The following JPH3 variants were observed in gnomAD, a reference collection of about 807,000 sequenced individuals.
JPH3 encodes junctophilin-3.
Under a neutral mutation model 59.6 loss-of-function variants are expected in JPH3, and 11 were observed. The ratio of observed to expected loss-of-function variants is 0.18; its 90% CI spans 0.12 to 0.31. The LOEUF (loss-of-function observed/expected upper bound fraction) is 0.31, where lower values mean the gene tolerates loss of function less well. Ranked by LOEUF, JPH3 falls within the 10% of genes least tolerant of loss-of-function variation. JPH3 has a pLI of 1.00. For synonymous variants in JPH3, 673 were observed against 483.6 expected, an observed-to-expected ratio of 1.39 and a Z score of -5.14; for missense variants, 1,202 against 1,105.7, an observed-to-expected ratio of 1.09 and a Z score of -1.24.
intron 2 of JPH3, among the ~76,000 whole-genome samples, chr16:87,646,916 T>G (rs1033572389): frequency 6.6e-6 from 1 of 152,104 alleles, no homozygotes; most frequent in Non-Finnish European, 1.5e-5. Flanking sequence ...CGACCTGAGA[T>G]AGTTTTCAGA....
At chr16:87,646,410 C>T (rs2032152638) in intron 2 of JPH3, among the ~76,000 whole-genome samples, 1 of 152,212 alleles carries the variant, frequency 6.6e-6, no homozygotes, top group Non-Finnish European at 1.5e-5. Flanking sequence ...TTTGCCCCTC[C>T]CTGCTCCCTC....
chr16:87,634,497 C>T (rs73236246), intron 1 of JPH3, among the ~76,000 whole-genome samples: 11,722 of 152,290 alleles, frequency 0.077, 1,337 homozygotes, highest in African/African-American at 0.25. Flanking sequence ...TTCTTCCTTT[C>T]TCTGCGGGTT....
intron 1 of JPH3, among the ~76,000 whole-genome samples, chr16:87,634,842 G>C (rs553501374): frequency 2.8e-4 from 42 of 152,352 alleles, no homozygotes; most frequent in African/African-American, 8.4e-4. Flanking sequence ...GAGACGCTCT[G>C]TGTGGGCTTC....
At chr16:87,672,136 G>A (rs983873219) in intron 2 of JPH3, among the ~76,000 whole-genome samples, 3 of 152,138 alleles carry the variant, frequency 2.0e-5, no homozygotes, top group Non-Finnish European at 4.4e-5. Context: ...GGTGTGGGGT[G>A]AGGGAGAAGA....
chr16:87,614,200 C>T (rs1404435797), intron 1 of JPH3, among the ~76,000 whole-genome samples: 3 of 151,694 alleles, frequency 2.0e-5, no homozygotes, highest in Non-Finnish European at 2.9e-5. Flanking sequence ...CGAGGAGCCG[C>T]GTGTCCCCTC....
chr16:87,692,386 C>T (rs540288751), intron 4 of JPH3, among the ~76,000 whole-genome samples: 38 of 152,330 alleles, frequency 2.5e-4, no homozygotes, highest in African/African-American at 7.2e-4. Context: ...TCAGGGCAGT[C>T]GGGTGCCAGG....
intron 2 of JPH3, among the ~76,000 whole-genome samples, chr16:87,649,603 A>G (rs1403568098): frequency 6.6e-6 from 1 of 152,176 alleles, no homozygotes; most frequent in Non-Finnish European, 1.5e-5. Flanking sequence ...TCAACAGCTG[A>G]GACCCTCTGC....
intron 2 of JPH3, among the ~76,000 whole-genome samples, chr16:87,682,936 C>A (rs992977920): frequency 2.6e-5 from 4 of 152,250 alleles, no homozygotes; most frequent in African/African-American, 9.6e-5. Flanking sequence ...TCTGTCTAGT[C>A]CCTTGTCTTA....
intron 3 of JPH3, among the ~76,000 whole-genome samples, chr16:87,687,857 G>A (rs930922867): frequency 3.9e-5 from 6 of 152,190 alleles, no homozygotes; most frequent in African/African-American, 1.2e-4. Flanking sequence ...GGGGGATGGG[G>A]GGGGCCTTGA....
intron 4 of JPH3, among the ~76,000 whole-genome samples, chr16:87,691,628 G>A (rs1018013602): frequency 2.6e-5 from 4 of 152,134 alleles, no homozygotes; most frequent in South Asian, 2.1e-4. Flanking sequence ...GGGTCACCGC[G>A]TGACACCCCT....
chr16:87,634,590 G>T (rs945792068), intron 1 of JPH3, among the ~76,000 whole-genome samples: 2 of 152,202 alleles, frequency 1.3e-5, no homozygotes, highest in African/African-American at 4.8e-5. Flanking sequence ...ACCACCTTGG[G>T]CTCCCCTGCC....
At chr16:87,662,393 C>T (rs1224488948) in intron 2 of JPH3, among the ~76,000 whole-genome samples, 1 of 152,090 alleles carries the variant, frequency 6.6e-6, no homozygotes, top group Non-Finnish European at 1.5e-5. Context: ...CCGGATTTTC[C>T]CCTCTGCCTG....
At chr16:87,629,905 G>T (rs8045093) in intron 1 of JPH3, among the ~76,000 whole-genome samples, 3 of 152,130 alleles carry the variant, frequency 2.0e-5, no homozygotes, top group African/African-American at 7.2e-5. Flanking sequence ...GAAGTGGGGG[G>T]CGAGGGGATA....
chr16:87,660,748 G>A (rs1482325385), intron 2 of JPH3, among the ~76,000 whole-genome samples: 1 of 152,188 alleles, frequency 6.6e-6, no homozygotes, highest in Non-Finnish European at 1.5e-5. Flanking sequence ...GAGCCTCACT[G>A]TGCTAGTCTG....
intron 4 of JPH3, chr16:87,695,904 C>T (rs922078736): frequency 3.1e-5 from 14 of 455,818 alleles, no homozygotes; most frequent in Non-Finnish European, 6.2e-5. Context: ...GGGAGTCTGG[C>T]ACTTGGGGCT....
At position 87,697,891 on chromosome 16, in the gene JPH3, G is replaced by GC. The variant is rs1473344204; in HGVS notation, c.*1236dup. ...ACAAGGTTTGCCAGGATGTCCGAGT[G>GC]CCCCCTGGCCCTGGCTCTCGTGTGC... On this transcript the variant is annotated 3_prime_UTR_variant, in exon 5 of 5. Transcript: ENST00000284262. 1 of 152,456 alleles carries GC rather than the reference G, an allele frequency of 6.6e-6. No individual in the cohort carries two copies. The highest frequency in any genetic ancestry group is 1.5e-5 in the Non-Finnish European group (1 of 68,042). The allele number at this position is 152,456 out of a possible 1,614,324, so 9.4% of individuals were successfully genotyped here. A position where few individuals can be genotyped will look rare whatever the true frequency, so the allele number is the denominator to read the frequency against.
intron 4 of JPH3, chr16:87,694,749 C>T (rs1399611587): frequency 1.8e-5 from 3 of 165,956 alleles, no homozygotes; most frequent in Non-Finnish European, 3.9e-5. Flanking sequence ...ACAGCCATCA[C>T]CCCCAATTCT....
chr16:87,661,768 G>A (rs1474082236), intron 2 of JPH3, among the ~76,000 whole-genome samples: 1 of 152,192 alleles, frequency 6.6e-6, no homozygotes, highest in Non-Finnish European at 1.5e-5. Flanking sequence ...GAATTCATGG[G>A]GCTTCGACTT....
At chr16:87,626,092 G>A (rs933528497) in intron 1 of JPH3, among the ~76,000 whole-genome samples, 1 of 152,200 alleles carries the variant, frequency 6.6e-6, no homozygotes, top group Admixed American at 6.5e-5. Flanking sequence ...CCCTCCAACA[G>A]GTGTTTGGTG....
Sources: gnomAD v4.1 joint callset for allele counts (sites outside exome capture counted in the v4.1 genomes callset) on GRCh38, gnomAD v4.1.1 for gene constraint, MANE v1.5 for transcripts, NCBI Gene and HGNC (gene_info 2026-07-23, HGNC 2026-07-21) for gene names.